The following FHIP1A variants were observed in gnomAD, a reference collection of about 807,000 sequenced individuals.
FHIP1A encodes FHF complex subunit HOOK-interacting protein 1A.
A neutral mutation model predicts 88.6 loss-of-function variants in FHIP1A; 61 were observed. The observed-to-expected ratio is 0.69, with a 90% CI of 0.56 to 0.85. The LOEUF is 0.85. FHIP1A is among the 40% of genes least tolerant of loss of function. FHIP1A has a pLI of 0.00. For synonymous variants in FHIP1A, 478 were observed against 496.0 expected, an observed-to-expected ratio of 0.96 and a Z score of 0.48; for missense variants, 1,154 against 1,273.5, an observed-to-expected ratio of 0.91 and a Z score of 1.43.
intron 3 of FHIP1A, among the ~76,000 whole-genome samples, chr4:151,506,141 C>G (rs534848501): frequency 6.6e-6 from 1 of 152,170 alleles, no homozygotes; most frequent in Non-Finnish European, 1.5e-5. Flanking sequence ...AGGCTGGCCT[C>G]TAACATTCCC....
intron 1 of FHIP1A, among the ~76,000 whole-genome samples, chr4:151,411,441 C>T (rs1357512635): frequency 1.3e-5 from 2 of 150,198 alleles, no homozygotes; most frequent in Non-Finnish European, 3.0e-5. Flanking sequence ...CCTTGATCTC[C>T]TGGGCTCAGG....
At chr4:151,413,664 AG>A (rs1732769140) in intron 1 of FHIP1A, among the ~76,000 whole-genome samples, 1 of 152,076 alleles carries the variant, frequency 6.6e-6, no homozygotes, top group Non-Finnish European at 1.5e-5. Flanking sequence ...CATGTTGGCC[AG>A]GCTGGTCTCG....
At chr4:151,572,482 G>A (rs1215169043) in intron 4 of FHIP1A, among the ~76,000 whole-genome samples, 1 of 152,190 alleles carries the variant, frequency 6.6e-6, no homozygotes, top group East Asian at 1.9e-4. Context: ...ATAAAAAGAA[G>A]TGACTTGGTA....
At chr4:151,470,629 A>G (rs1338554874) in intron 2 of FHIP1A, among the ~76,000 whole-genome samples, 1 of 152,192 alleles carries the variant, frequency 6.6e-6, no homozygotes, top group Non-Finnish European at 1.5e-5. Flanking sequence ...TCATTCAGAC[A>G]GTTTCTTGGG....
At chr4:151,501,373 T>C (rs760042498) in intron 3 of FHIP1A, among the ~76,000 whole-genome samples, 1 of 152,218 alleles carries the variant, frequency 6.6e-6, no homozygotes, top group Non-Finnish European at 1.5e-5. Context: ...ACTATTTTAA[T>C]ATTTAATACA....
chr4:151,534,267 C>T (rs1349562486), intron 3 of FHIP1A, among the ~76,000 whole-genome samples: 2 of 152,196 alleles, frequency 1.3e-5, no homozygotes, highest in Non-Finnish European at 2.9e-5. Flanking sequence ...TAAGTTCTCA[C>T]TATGTTATGT....
intron 3 of FHIP1A, among the ~76,000 whole-genome samples, chr4:151,564,724 G>C (rs1733313933): frequency 6.6e-6 from 1 of 152,190 alleles, no homozygotes. Flanking sequence ...TATGTGATTT[G>C]TGTACTTCTT....
At chr4:151,511,172 C>A (rs1459161259) in intron 3 of FHIP1A, among the ~76,000 whole-genome samples, 1 of 152,144 alleles carries the variant, frequency 6.6e-6, no homozygotes, top group African/African-American at 2.4e-5. Context: ...ATTATTCAAT[C>A]TAAAATTATA....
At position 151,477,761 on chromosome 4, in the gene FHIP1A, T is replaced by TACGC. The variant is rs1197499333; in HGVS notation, c.-247-4760_-247-4757dup. On this transcript the variant is annotated intron_variant, in intron 2 of 13. Transcript: ENST00000435205. ...GCTTAACTTCACCCATTATCACAGA[T>TACGC]ACGCACATTACAACTACACCGAGGT... 2.0e-5 allele frequency among the ~76,000 whole-genome samples: 3 copies of TACGC among 152,278 alleles called. No homozygotes were observed. In the East Asian group the frequency reaches 5.8e-4, roughly 29 times the overall value.
chr4:151,602,995 A>C (rs908542691), intron 7 of FHIP1A, among the ~76,000 whole-genome samples: 2 of 152,168 alleles, frequency 1.3e-5, no homozygotes, highest in Non-Finnish European at 2.9e-5. Context: ...AGGCTAATAA[A>C]TGCACTTAGC....
intron 5 of FHIP1A, among the ~76,000 whole-genome samples, chr4:151,580,590 T>G (rs1733984145): frequency 6.6e-6 from 1 of 152,250 alleles, no homozygotes; most frequent in African/African-American, 2.4e-5. Context: ...ATTTGCCTAC[T>G]GTGTGATCCT....
chr4:151,503,621 T>TAAA (rs989482299), intron 3 of FHIP1A, among the ~76,000 whole-genome samples: 5 of 151,680 alleles, frequency 3.3e-5, no homozygotes, highest in African/African-American at 9.7e-5. Context: ...AGAAAAAAAT[T>TAAA]AAAAAAAACC....
At chr4:151,612,612 C>T (rs903681404) in intron 7 of FHIP1A, among the ~76,000 whole-genome samples, 7 of 152,198 alleles carry the variant, frequency 4.6e-5, no homozygotes, top group African/African-American at 1.7e-4. Context: ...AAACTCCTCA[C>T]CTCAAATGAT....
chr4:151,475,866 ATT>A (rs1224400029), intron 2 of FHIP1A, among the ~76,000 whole-genome samples: 1 of 77,232 alleles, frequency 1.3e-5, no homozygotes, highest in Non-Finnish European at 3.5e-5. Context: ...TCTATTATCG[ATT>A]TTTTTTTTTT....
chr4:151,418,172 T>TCA (rs1343705863), intron 1 of FHIP1A, among the ~76,000 whole-genome samples: 15 of 77,946 alleles, frequency 1.9e-4, no homozygotes, highest in African/African-American at 7.7e-4. Context: ...AACCTATCTC[T>TCA]AAAAAAAAAA....
At chr4:151,522,519 G>C (rs1196109165) in intron 3 of FHIP1A, among the ~76,000 whole-genome samples, 1 of 152,222 alleles carries the variant, frequency 6.6e-6, no homozygotes, top group African/African-American at 2.4e-5. Context: ...GGTTGGGAGA[G>C]AGGACAGTCA....
intron 1 of FHIP1A, among the ~76,000 whole-genome samples, chr4:151,422,057 T>G (rs1733190843): frequency 6.6e-6 from 1 of 151,920 alleles, no homozygotes; most frequent in South Asian, 2.1e-4. Flanking sequence ...AAATTATATA[T>G]GAGGGGTATG....
intron 8 of FHIP1A, 92 bp downstream of exon 8, chr4:151,629,961 T>C (rs1560809400): frequency 1.0e-5 from 11 of 1,073,568 alleles, no homozygotes; most frequent in Non-Finnish European, 1.5e-5. Flanking sequence ...TATTCTCTTT[T>C]GCTCTCCTTT....
intron 7 of FHIP1A, among the ~76,000 whole-genome samples, chr4:151,612,978 G>A (rs775154295): frequency 6.6e-6 from 1 of 152,162 alleles, no homozygotes; most frequent in African/African-American, 2.4e-5. Context: ...GTGGAAGGCA[G>A]GTCACAAAGT....
Sources: allele counts gnomAD v4.1 joint callset (sites outside exome capture counted in the v4.1 genomes callset), GRCh38; gene constraint gnomAD v4.1.1; transcripts MANE v1.5; gene names NCBI Gene and HGNC (gene_info 2026-07-23, HGNC 2026-07-21).